Variants in NLK observed in about 807,000 individuals in gnomAD.
The protein encoded by NLK is nemo like kinase, also known as serine/threonine-protein kinase NLK.
Under a neutral mutation model 59.0 loss-of-function variants are expected in NLK, and 11 were observed. The observed-to-expected ratio is 0.19, with a 90% CI of 0.12 to 0.31. The LOEUF (loss-of-function observed/expected upper bound fraction) is 0.31, where lower values mean the gene tolerates loss of function less well. Among genes scored for constraint, NLK ranks in the 10% least tolerant of loss-of-function variants. NLK has a pLI of 1.00. For missense variants in NLK, 410 were observed against 661.1 expected, an observed-to-expected ratio of 0.62 and a Z score of 4.16; for synonymous variants, 235 against 235.9, an observed-to-expected ratio of 1.00 and a Z score of 0.03.
chr17:28,073,739 A>T (rs1000165236), intron 1 of NLK, among the ~76,000 whole-genome samples: 1 of 152,022 alleles, frequency 6.6e-6, no homozygotes, highest in Non-Finnish European at 1.5e-5. Flanking sequence ...CTCTTTAGGT[A>T]TTCTCCCCAT....
chr17:28,097,574 G>T (rs1904747357), intron 1 of NLK, among the ~76,000 whole-genome samples: 1 of 152,120 alleles, frequency 6.6e-6, no homozygotes, highest in African/African-American at 2.4e-5. Context: ...AACCTAGTTG[G>T]ATTGGGAAAC....
chr17:28,134,780 T>C lies in NLK; in HGVS notation c.644+2105T>C, dbSNP rs553245706. Among the ~76,000 whole-genome samples, 8 of 152,364 alleles carry C rather than the reference T, an allele frequency of 5.3e-5. No individual in the cohort carries two copies. In the South Asian group the frequency reaches 1.7e-3, roughly 32 times the overall value. On this transcript the variant is annotated intron_variant, in intron 3 of 10. Transcript: ENST00000407008. Reference sequence around the variant, plus strand: ...GACTGGTTCCTGGCTGACAAGAATGTCTTTGTATAGCTGAAACCTTGAACC... The same window carrying C: ...GACTGGTTCCTGGCTGACAAGAATGCCTTTGTATAGCTGAAACCTTGAACC...
intron 7 of NLK, among the ~76,000 whole-genome samples, chr17:28,173,929 C>T (rs956866220): frequency 2.6e-5 from 4 of 152,176 alleles, no homozygotes; most frequent in Non-Finnish European, 5.9e-5. Context: ...ATCAGACACC[C>T]TTATGCTACC....
chr17:28,176,673 A>G (rs534740559), intron 7 of NLK, among the ~76,000 whole-genome samples: 2 of 152,362 alleles, frequency 1.3e-5, no homozygotes, highest in East Asian at 1.9e-4. Flanking sequence ...TTTCATTTGT[A>G]TATCTGCAGG....
downstream of NLK, among the ~76,000 whole-genome samples, chr17:28,200,976 G>A (rs931061040): frequency 2.0e-5 from 3 of 152,268 alleles, no homozygotes. Context: ...AGTTGCCTTT[G>A]CACTTTGGTC....
At chr17:28,131,398 T>G in intron 2 of NLK, among the ~76,000 whole-genome samples, 1 of 151,924 alleles carries the variant, frequency 6.6e-6, no homozygotes, top group East Asian at 1.9e-4. Context: ...TTTTAACCTT[T>G]TTTTCATTAG....
chr17:28,072,967 G>A (rs1264277939), intron 1 of NLK, among the ~76,000 whole-genome samples: 3 of 151,688 alleles, frequency 2.0e-5, no homozygotes, highest in Non-Finnish European at 4.4e-5. Flanking sequence ...GTAAAATTGT[G>A]AGCCCATGAC....
intron 7 of NLK, among the ~76,000 whole-genome samples, chr17:28,183,182 A>C (rs1360226766): frequency 6.6e-6 from 1 of 152,232 alleles, no homozygotes; most frequent in African/African-American, 2.4e-5. Context: ...TTTCTTTAAG[A>C]AAAAGAAGAA....
intron 3 of NLK, among the ~76,000 whole-genome samples, chr17:28,152,803 T>C (rs7501911): frequency 0.25 from 38,369 of 151,750 alleles, 5,789 homozygotes; most frequent in East Asian, 0.58. Flanking sequence ...TTATTTTTTT[T>C]TGTAGAGACA....
At position 28,161,202 on chromosome 17, in the gene NLK, T is replaced by C. The variant is rs751190086; in HGVS notation, c.687T>C (p.Ile229=). The change falls in exon 4 of 11, where the codon ATT becomes ATC. Residue 229 remains isoleucine (I), a synonymous_variant. Coordinates refer to ENST00000407008, the MANE Select transcript of NLK (RefSeq NM_016231.5). ...TGATGCAGAGTGACCTACATAAAATTATCGTCTCTCCTCAACCACTCAGCT... is the reference window on the plus strand; with the variant it reads ...TGATGCAGAGTGACCTACATAAAATCATCGTCTCTCCTCAACCACTCAGCT... ...TELMQSDLHK[I]IVSPQPLSSD... is the part of the protein sequence containing the mutation. 9 of 1,611,874 alleles carry C rather than the reference T, an allele frequency of 5.6e-6. No individual in the cohort carries two copies. The South Asian group carries it at 9.9e-5, about 18-fold the overall frequency.
intron 1 of NLK, among the ~76,000 whole-genome samples, chr17:28,053,066 G>A (rs1451240801): frequency 1.3e-5 from 2 of 151,684 alleles, no homozygotes; most frequent in African/African-American, 4.8e-5. Context: ...CTGAGCCACC[G>A]CACCTGGCCT....
chr17:28,192,450 C>G (rs920655587), intron 10 of NLK, among the ~76,000 whole-genome samples: 1 of 152,130 alleles, frequency 6.6e-6, no homozygotes, highest in Non-Finnish European at 1.5e-5. Context: ...AGACAGATCA[C>G]CTGAGGTCTG....
chr17:28,201,206 G>A (rs1199585295), downstream of NLK, among the ~76,000 whole-genome samples: 4 of 151,722 alleles, frequency 2.6e-5, no homozygotes, highest in African/African-American at 4.8e-5. Context: ...TCAGCCTCCC[G>A]AGCAGCTGGG....
downstream of NLK, among the ~76,000 whole-genome samples, chr17:28,201,376 C>G (rs1909624285): frequency 7.6e-6 from 1 of 131,230 alleles, no homozygotes; most frequent in Admixed American, 9.5e-5. Flanking sequence ...AGCAACTGCA[C>G]CTGGTCTTTT....
intron 3 of NLK, among the ~76,000 whole-genome samples, chr17:28,146,028 T>C (rs77928910): frequency 0.017 from 2,587 of 152,280 alleles, 83 homozygotes; most frequent in African/African-American, 0.059. Flanking sequence ...TTTGAGTGGT[T>C]GCCAGTTTCT....
chr17:28,160,856 G>A (rs935645417), intron 3 of NLK, among the ~76,000 whole-genome samples: 2 of 152,108 alleles, frequency 1.3e-5, no homozygotes, highest in Non-Finnish European at 2.9e-5. Context: ...AGACTGTTTG[G>A]TCGTCATACT....
chr17:28,068,311 A>G (rs1220634311), intron 1 of NLK, among the ~76,000 whole-genome samples: 1 of 151,914 alleles, frequency 6.6e-6, no homozygotes, highest in East Asian at 1.9e-4. Context: ...TGTGTTTTTA[A>G]TTTTCTTTTT....
intron 3 of NLK, among the ~76,000 whole-genome samples, chr17:28,157,571 C>A (rs1170648890): frequency 1.3e-5 from 2 of 152,088 alleles, no homozygotes; most frequent in Non-Finnish European, 2.9e-5. Flanking sequence ...AAGCAGTCCA[C>A]CCTCCTGGGC....
intron 1 of NLK, among the ~76,000 whole-genome samples, chr17:28,060,780 AAC>A (rs1026373831): frequency 5.3e-5 from 8 of 152,322 alleles, no homozygotes; most frequent in East Asian, 3.9e-4. Flanking sequence ...GATGTAGTGA[AAC>A]ACACACACAC....
Sources: allele counts gnomAD v4.1 joint callset (sites outside exome capture counted in the v4.1 genomes callset), GRCh38; gene constraint gnomAD v4.1.1; transcripts MANE v1.5; gene names NCBI Gene and HGNC (gene_info 2026-07-23, HGNC 2026-07-21).